FXYD6: variants seen among roughly 807,000 people sequenced by gnomAD.
FXYD6 encodes FXYD domain containing ion transport regulator 6.
FXYD6 carries 7 observed loss-of-function variants against 16.7 expected under a neutral mutation model. That is an observed-to-expected ratio of 0.42 (90% confidence interval 0.24 to 0.79). The LOEUF is 0.79. FXYD6 is among the 30% of genes least tolerant of loss of function. The probability of loss-of-function intolerance (pLI) is 0.28; values close to 1 mark genes in which losing one functional copy is unlikely to be tolerated. For missense variants in FXYD6, 111 were observed against 116.2 expected, an observed-to-expected ratio of 0.95 and a Z score of 0.21; for synonymous variants, 49 against 43.0, an observed-to-expected ratio of 1.14 and a Z score of -0.54.
chr11:117,856,705 C>A (rs1291686743), intron 1 of FXYD6, among the ~76,000 whole-genome samples: 4 of 152,138 alleles, frequency 2.6e-5, no homozygotes, highest in Non-Finnish European at 4.4e-5. Flanking sequence ...AAAAAAGATT[C>A]GACTGTGTAT....
At chr11:117,851,584 C>T (rs1189686954) in intron 1 of FXYD6, among the ~76,000 whole-genome samples, 1 of 152,226 alleles carries the variant, frequency 6.6e-6, no homozygotes, top group Non-Finnish European at 1.5e-5. Context: ...AAGTAATTTG[C>T]TATGCAGCAA....
chr11:117,848,376 T>C (rs1472867558), intron 1 of FXYD6, among the ~76,000 whole-genome samples: 2 of 150,174 alleles, frequency 1.3e-5, no homozygotes, highest in East Asian at 3.9e-4. Flanking sequence ...AAATCATCCC[T>C]GCATTTCTGA....
At chr11:117,860,405 C>T (rs1172972655) in intron 1 of FXYD6, among the ~76,000 whole-genome samples, 1 of 152,216 alleles carries the variant, frequency 6.6e-6, no homozygotes, top group Non-Finnish European at 1.5e-5. Context: ...CAGAGAGCCA[C>T]AATGCAGGGG....
intron 6 of FXYD6, 111 bp from the exon 7 acceptor site, chr11:117,839,941 G>T: frequency 7.1e-7 from 1 of 1,411,286 alleles, no homozygotes. Context: ...GAGGTGACGG[G>T]CATGGGATTT....
At chr11:117,873,611 C>T (rs771381064) in intron 1 of FXYD6, among the ~76,000 whole-genome samples, 46 of 152,204 alleles carry the variant, frequency 3.0e-4, no homozygotes, top group Non-Finnish European at 6.3e-4. Context: ...GTTTGCTTCC[C>T]TTAGGGTGCT....
At chr11:117,851,626 T>C (rs1432017419) in intron 1 of FXYD6, among the ~76,000 whole-genome samples, 1 of 152,264 alleles carries the variant, frequency 6.6e-6, no homozygotes, top group Non-Finnish European at 1.5e-5. Context: ...ATGTACTGAT[T>C]TGTTCACCAT....
intron 1 of FXYD6, chr11:117,868,959 GCAAA>G (rs1296644708): frequency 2.0e-5 from 3 of 152,228 alleles, no homozygotes; most frequent in Non-Finnish European, 2.9e-5. Context: ...GAGCCTCAGA[GCAAA>G]CAAACAACCA....
chr11:117,840,144 T>C (rs2056304752), intron 6 of FXYD6, 175 bp downstream of exon 6: 2 of 762,832 alleles, frequency 2.6e-6, no homozygotes, highest in Non-Finnish European at 4.4e-6. Flanking sequence ...ACACTAGTAG[T>C]AGCCTGTTTG....
intron 1 of FXYD6, among the ~76,000 whole-genome samples, chr11:117,851,644 G>T (rs1028146576): frequency 6.6e-6 from 1 of 152,154 alleles, no homozygotes; most frequent in Non-Finnish European, 1.5e-5. Flanking sequence ...CATTGTTTTT[G>T]AACGTTAGTC....
At chr11:117,863,301 T>C (rs960957561) in intron 1 of FXYD6, among the ~76,000 whole-genome samples, 7 of 151,912 alleles carry the variant, frequency 4.6e-5, no homozygotes, top group Non-Finnish European at 1.0e-4. Flanking sequence ...TGTTTCAACA[T>C]ATGAAAATCA....
chr11:117,857,700 C>A (rs1401879084), intron 1 of FXYD6, among the ~76,000 whole-genome samples: 4 of 152,156 alleles, frequency 2.6e-5, no homozygotes, highest in African/African-American at 9.7e-5. Context: ...AGCCACCACA[C>A]CCGGCCCAGG....
At chr11:117,864,920 A>T (rs1394366545) in intron 1 of FXYD6, among the ~76,000 whole-genome samples, 1 of 152,190 alleles carries the variant, frequency 6.6e-6, no homozygotes, top group Non-Finnish European at 1.5e-5. Flanking sequence ...AAAAATGTGC[A>T]TCAAAAGACA....
intron 7 of FXYD6, chr11:117,839,420 C>A: frequency 3.4e-6 from 1 of 295,668 alleles, no homozygotes; most frequent in Admixed American, 4.7e-5. Context: ...CCCTAAAGTA[C>A]TTTCTGAGTC....
chr11:117,839,750 C>T (rs747509334), intron 7 of FXYD6, 31 bp downstream of exon 7: 2 of 1,613,982 alleles, frequency 1.2e-6, no homozygotes, highest in African/African-American at 1.3e-5. Context: ...GTGATGGCAA[C>T]AGGGGCCAAT....
chr11:117,857,558 G>A (rs539065405), intron 1 of FXYD6, among the ~76,000 whole-genome samples: 8 of 152,082 alleles, frequency 5.3e-5, no homozygotes, highest in South Asian at 2.1e-4. Context: ...ACAGGCACGC[G>A]CCACCATGCC....
At chr11:117,848,633 C>G (rs2056532848) in intron 1 of FXYD6, among the ~76,000 whole-genome samples, 2 of 152,312 alleles carry the variant, frequency 1.3e-5, no homozygotes, top group Admixed American at 6.5e-5. Context: ...TTTGGTGGAA[C>G]TAACCTGTAA....
chr11:117,842,833 G>A (rs374644081), intron 1 of FXYD6, 52 bp from the exon 2 acceptor site: 218 of 1,541,426 alleles, frequency 1.4e-4, no homozygotes, highest in Middle Eastern at 8.4e-4. Flanking sequence ...GCCTCCATCC[G>A]TCAGCTCCAA....
At chr11:117,851,166 T>G (rs1246697965) in intron 1 of FXYD6, among the ~76,000 whole-genome samples, 1 of 152,242 alleles carries the variant, frequency 6.6e-6, no homozygotes, top group East Asian at 1.9e-4. Flanking sequence ...CAGATCCTTG[T>G]ACAGTCCCCT....
chr11:117,867,026 C>G (rs1219294850), intron 1 of FXYD6, among the ~76,000 whole-genome samples: 1 of 152,186 alleles, frequency 6.6e-6, no homozygotes, highest in Non-Finnish European at 1.5e-5. Context: ...AGAAATACTC[C>G]CAATCCTAAC....
Sources: allele counts gnomAD v4.1 joint callset (sites outside exome capture counted in the v4.1 genomes callset), GRCh38; gene constraint gnomAD v4.1.1; transcripts MANE v1.5; gene names NCBI Gene and HGNC (gene_info 2026-07-23, HGNC 2026-07-21).